KLF8: variants seen among roughly 807,000 people sequenced by gnomAD.
The protein encoded by KLF8 is KLF transcription factor 8, also known as Krueppel-like factor 8.
A neutral mutation model predicts 18.2 loss-of-function variants in KLF8; 10 were observed. The observed-to-expected ratio is 0.55, with a 90% CI of 0.34 to 0.93. The LOEUF is 0.93. KLF8 is among the 40% of genes least tolerant of loss of function. The pLI is 0.02. For synonymous variants in KLF8, 109 were observed against 97.3 expected, an observed-to-expected ratio of 1.12 and a Z score of -0.71; for missense variants, 264 against 277.9, an observed-to-expected ratio of 0.95 and a Z score of 0.36.
At chrX:56,023,590 C>T in the KLF8 span, among the ~76,000 whole-genome samples, 1 of 110,912 alleles carries the variant, frequency 9.0e-6, no homozygotes, top group Admixed American at 9.6e-5. Context: ...GATAAATATA[C>T]CTTCACCTAA....
At chrX:56,112,338 G>T in the KLF8 span, among the ~76,000 whole-genome samples, 4 of 111,110 alleles carry the variant, frequency 3.6e-5, no homozygotes, top group Non-Finnish European at 3.8e-5. Flanking sequence ...GCCATGGAGT[G>T]GGGGGCTGGG....
At chrX:56,024,722 A>G in the KLF8 span, among the ~76,000 whole-genome samples, 8 of 111,700 alleles carry the variant, frequency 7.2e-5, no homozygotes, top group Non-Finnish European at 1.5e-4. Flanking sequence ...AAGTTTCACA[A>G]TGTCCTTCCA....
the KLF8 span, among the ~76,000 whole-genome samples, chrX:56,159,832 AAAC>A: frequency 2.7e-5 from 3 of 111,539 alleles, no homozygotes; most frequent in East Asian, 8.5e-4. Context: ...TCTTTTCAAA[AAAC>A]AATCTCCTGG....
the KLF8 span, among the ~76,000 whole-genome samples, chrX:56,040,810 T>C: frequency 7.6e-5 from 3 of 39,452 alleles, no homozygotes; most frequent in Non-Finnish European, 1.1e-4. Flanking sequence ...CTTTTTTTTT[T>C]TTTTTTTTTT....
chrX:56,274,220 G>C (rs767964953), intron 5 of KLF8, among the ~76,000 whole-genome samples: 10 of 112,062 alleles, frequency 8.9e-5, no homozygotes, highest in Non-Finnish European at 1.5e-4. Context: ...CATTTTAACT[G>C]AGGTGAGATG....
At chrX:56,273,062 TAG>T (rs1337904159) in intron 5 of KLF8, among the ~76,000 whole-genome samples, 1 of 112,010 alleles carries the variant, frequency 8.9e-6, no homozygotes, top group Admixed American at 9.5e-5. Flanking sequence ...AATTTCTTGA[TAG>T]AGTTTTCTTT....
At chrX:56,043,048 A>G in the KLF8 span, among the ~76,000 whole-genome samples, 1 of 111,721 alleles carries the variant, frequency 9.0e-6, no homozygotes, top group Non-Finnish European at 1.9e-5. Flanking sequence ...TGTCTGAAAC[A>G]TATCTTATTT....
At chrX:56,270,347 A>ACAC in intron 5 of KLF8, 26 bp downstream of exon 5, 7 of 661,707 alleles carry the variant, frequency 1.1e-5, no homozygotes, top group East Asian at 4.9e-5. Context: ...TCTCACCCCC[A>ACAC]ACACACACAC....
chrX:56,134,820 G>T, the KLF8 span, among the ~76,000 whole-genome samples: 2 of 103,978 alleles, frequency 1.9e-5, no homozygotes, highest in Admixed American at 2.1e-4. Flanking sequence ...AAGAAAGAAA[G>T]AAAAAAAAAA....
the KLF8 span, among the ~76,000 whole-genome samples, chrX:55,942,204 C>A: frequency 9.0e-6 from 1 of 111,315 alleles, no homozygotes; most frequent in Admixed American, 9.6e-5. Flanking sequence ...ATGATGAGTT[C>A]ATGTCCTTTG....
the KLF8 span, among the ~76,000 whole-genome samples, chrX:55,989,022 A>G: frequency 9.0e-6 from 1 of 111,671 alleles, no homozygotes; most frequent in African/African-American, 3.3e-5. Context: ...TTGGTGTATA[A>G]GAATGCTTGT....
chrX:56,170,868 C>T, the KLF8 span, among the ~76,000 whole-genome samples: 4 of 111,485 alleles, frequency 3.6e-5, no homozygotes, highest in Admixed American at 9.6e-5. Flanking sequence ...CCAAATAATC[C>T]TATCTCAAGG....
chrX:56,153,158 T>C, the KLF8 span, among the ~76,000 whole-genome samples: 1 of 111,454 alleles, frequency 9.0e-6, no homozygotes, highest in Admixed American at 9.6e-5. Context: ...ATAAATAGCA[T>C]ATTTTTATGA....
chrX:56,093,209 C>T, the KLF8 span, among the ~76,000 whole-genome samples: 2 of 110,927 alleles, frequency 1.8e-5, no homozygotes, highest in Admixed American at 1.9e-4. Flanking sequence ...TTAGAACACC[C>T]AGCAGGATAA....
the KLF8 span, among the ~76,000 whole-genome samples, chrX:56,160,620 G>A: frequency 9.0e-6 from 1 of 111,340 alleles, no homozygotes; most frequent in Non-Finnish European, 1.9e-5. Flanking sequence ...TTGTTGTTGA[G>A]TTGATCCCTT....
chrX:56,213,133 C>T, the KLF8 span, among the ~76,000 whole-genome samples: 1 of 109,863 alleles, frequency 9.1e-6, no homozygotes, highest in African/African-American at 3.3e-5. Flanking sequence ...TTTATGTCAC[C>T]TGGTGATGCT....
chrX:56,153,610 T>C, the KLF8 span, among the ~76,000 whole-genome samples: 26 of 111,037 alleles, frequency 2.3e-4, no homozygotes, highest in African/African-American at 8.5e-4. Context: ...AAATAAAGGG[T>C]ATTCAATTAG....
the KLF8 span, among the ~76,000 whole-genome samples, chrX:56,070,831 C>A: frequency 4.4e-5 from 5 of 112,539 alleles, no homozygotes; most frequent in Non-Finnish European, 9.4e-5. Context: ...CTGAATGTAT[C>A]TAACTAAATA....
At chrX:55,986,050 C>T in the KLF8 span, among the ~76,000 whole-genome samples, 2 of 111,361 alleles carry the variant, frequency 1.8e-5, no homozygotes, top group African/African-American at 6.5e-5. Context: ...TGAGATGATG[C>T]GGTTTTCTAG....
Sources: allele counts gnomAD v4.1 joint callset (sites outside exome capture counted in the v4.1 genomes callset), GRCh38; gene constraint gnomAD v4.1.1; transcripts MANE v1.5; gene names NCBI Gene and HGNC (gene_info 2026-07-23, HGNC 2026-07-21).